UBXN6: variants seen among roughly 807,000 people sequenced by gnomAD.
The protein encoded by UBXN6 is UBX domain-containing protein 6.
Under a neutral mutation model 51.4 loss-of-function variants are expected in UBXN6, and 44 were observed. The observed-to-expected ratio is 0.86, with a 90% CI of 0.67 to 1.10. The LOEUF (loss-of-function observed/expected upper bound fraction) is 1.10. Ranked by LOEUF, UBXN6 falls within the 50% of genes least tolerant of loss-of-function variation. The probability of loss-of-function intolerance (pLI) is 0.00; values close to 1 mark genes in which losing one functional copy is unlikely to be tolerated. For synonymous variants in UBXN6, 316 were observed against 263.2 expected, an observed-to-expected ratio of 1.20 and a Z score of -1.94; for missense variants, 672 against 596.1, an observed-to-expected ratio of 1.13 and a Z score of -1.32.
At chr19:4,457,383 C>T (rs1974753424) in intron 1 of UBXN6, among the ~76,000 whole-genome samples, 1 of 129,108 alleles carries the variant, frequency 7.7e-6, no homozygotes, top group African/African-American at 3.0e-5. Flanking sequence ...GCCGCGCCCC[C>T]GGGTCATACC....
At position 4,451,700 on chromosome 19, in the gene UBXN6, C is replaced by T. The variant is rs111389080; in HGVS notation, c.441+664G>A. Reference sequence around the variant, plus strand: ...TTGCCCAGGTTGGAGTGCAATGGCGCTATCTCGGCTCACCACAACCTCTGC... The same window carrying T: ...TTGCCCAGGTTGGAGTGCAATGGCGTTATCTCGGCTCACCACAACCTCTGC... On this transcript the variant is annotated intron_variant, in intron 4 of 10. Coordinates refer to ENST00000301281, the MANE Select transcript of UBXN6 (RefSeq NM_025241.3). 7.1e-3 allele frequency among the ~76,000 whole-genome samples: 1,074 copies of T among 151,770 alleles called. 6 individuals carry two copies. Among genetic ancestry groups the T allele is most frequent in the Middle Eastern group, 0.017 (5 of 292 alleles).
Position 4,452,377 on chromosome 19 carries a change from T to G in UBXN6, c.428A>C (p.Glu143Ala), listed in dbSNP as rs1001426596. 1 of 1,613,652 alleles carries G rather than the reference T, an allele frequency of 6.2e-7. No individual in the cohort carries two copies. Among genetic ancestry groups the G allele is most frequent in the South Asian group, 1.1e-5 (1 of 91,034 alleles). The change falls in exon 4 of 11, where the codon GAG becomes GCG. Residue 143 changes from glutamate to alanine, a missense_variant. Physicochemically the swap from Glu to Ala is moderately radical, Grantham distance 107. Transcript: ENST00000301281. ...GGTGCCACTCACCAAGAGAATGGCCTCCTTGATGCAGGCGTCCCGCTGGTC... is the reference window on the plus strand; with the variant it reads ...GGTGCCACTCACCAAGAGAATGGCCGCCTTGATGCAGGCGTCCCGCTGGTC... ...RKDQRDACIK[E>A]AILLHFSTDP...
In UBXN6 at chr19:4,457,595, C is replaced by A. The variant is rs376666525; in HGVS notation, c.83+20G>T. 1.9e-6 allele frequency: 3 copies of A among 1,586,276 alleles called. 1 individual carries two copies. Among genetic ancestry groups the A allele is most frequent in the African/African-American group, 2.8e-5 (2 of 71,412 alleles). On this transcript the variant is annotated intron_variant, in intron 1 of 10. Coordinates refer to ENST00000301281, the MANE Select transcript of UBXN6 (RefSeq NM_025241.3). The stretch of plus-strand genomic sequence containing the variant: ...CGTCCCCGCCCCGCAGGGCCTCAAG[C>A]CCCTGCGTTCCTCACGCACCCCACG...
chr19:4,454,117 G>A, intron 1 of UBXN6, 24 bp from the exon 2 acceptor site: 1 of 1,506,554 alleles, frequency 6.6e-7, no homozygotes, highest in Non-Finnish European at 8.8e-7. Flanking sequence ...GAGGGAGAGT[G>A]AGTGTATCCT....
chr19:4,445,941 C>A, intron 10 of UBXN6, 108 bp downstream of exon 10: 1 of 1,478,444 alleles, frequency 6.8e-7, no homozygotes, highest in South Asian at 1.4e-5. Context: ...CCTGCCCAGG[C>A]CCCCTGCTCT....
In UBXN6 at chr19:4,445,216, G is replaced by C. The variant is rs566685419; in HGVS notation, c.*282C>G. 2 of 409,820 alleles carry C rather than the reference G, an allele frequency of 4.9e-6. No homozygotes were observed. The highest frequency in any genetic ancestry group is 3.9e-5 in the Admixed American group (1 of 25,450). The allele number at this position is 409,820 out of a possible 1,614,324, so 25.4% of individuals were successfully genotyped here. On this transcript the variant is annotated 3_prime_UTR_variant, in exon 11 of 11. Coordinates refer to ENST00000301281, the MANE Select transcript of UBXN6 (RefSeq NM_025241.3). ...AGGGAGATGCCACGTGTGTCTGTCC[G>C]GCAGCTTCATGACACAGTTACCAAG...
chr19:4,454,077 C>G lies in UBXN6; in HGVS notation c.100G>C (p.Glu34Gln). 2 of 1,560,928 alleles carry G rather than the reference C, an allele frequency of 1.3e-6. No individual in the cohort carries two copies. The highest frequency in any genetic ancestry group is 1.7e-6 in the Non-Finnish European group (2 of 1,157,960). Residue 34 changes from glutamate to glutamine, a missense_variant, in exon 2 of 11, where the codon GAG becomes CAG. Transcript: ENST00000301281. ...CTGGGGGCTGGCTGGTTGGGCTTCT[C>G]TTTGTGGGCCTTTTCCCTGGGAACA... is the stretch of plus-strand genomic sequence containing the variant. ...KESVGEKAHK[E>Q]KPNQPAPRPP...
In UBXN6 at chr19:4,457,762, G is replaced by T. The variant is rs1258812093; in HGVS notation, c.-65C>A. ...GGGGGCACGGGGCCCAGTCGGGGAC[G>T]GGGCCGCCGGAGACCAGCCACCGGA... On this transcript the variant is annotated 5_prime_UTR_variant, in exon 1 of 11. Transcript: ENST00000301281. 9 of 912,328 alleles carry T rather than the reference G, an allele frequency of 9.9e-6. No individual in the cohort carries two copies. Among genetic ancestry groups the T allele is most frequent in the African/African-American group, 5.5e-5 (3 of 54,462 alleles). The allele number at this position is 912,328 out of a possible 1,614,324, so 56.5% of individuals were successfully genotyped here.
In UBXN6 at chr19:4,445,896, C is replaced by T; in HGVS notation, c.1200+153G>A. The T allele has an allele frequency of 4.6e-6, 6 of 1,292,564 alleles. No individual in the cohort carries two copies. In the South Asian group the frequency reaches 7.4e-5, roughly 16 times the overall value. The allele number at this position is 1,292,564 out of a possible 1,614,324, so 80.1% of individuals were successfully genotyped here. ...TATGAACTTGCTCGAGGCCCTGCTG[C>T]CAGTAAGTGGGAAAGCAGGATTCAA... On this transcript the variant is annotated intron_variant, in intron 10 of 10. Coordinates refer to ENST00000301281, the MANE Select transcript of UBXN6 (RefSeq NM_025241.3).
At chr19:4,447,777 T>G in intron 5 of UBXN6, 152 bp from the exon 6 acceptor site, 1 of 737,726 alleles carries the variant, frequency 1.4e-6, no homozygotes. Flanking sequence ...GCAGACCATC[T>G]CCGGGTGGAA....
chr19:4,445,828 G>A (rs953962629), intron 10 of UBXN6: 163 of 1,046,520 alleles, frequency 1.6e-4, no homozygotes, highest in Admixed American at 2.3e-4. Flanking sequence ...GCTAACGCAC[G>A]TCACCGCTCC....
At chr19:4,447,411 C>T (rs768690108) in intron 6 of UBXN6, 139 bp downstream of exon 6, 118 of 884,282 alleles carry the variant, frequency 1.3e-4, no homozygotes, top group Non-Finnish European at 1.9e-4. Flanking sequence ...TTCTACTGGC[C>T]GAACCCTTCA....
At chr19:4,450,781 A>G (rs1974640213) in intron 4 of UBXN6, 1 of 150,970 alleles carries the variant, frequency 6.6e-6, no homozygotes, top group African/African-American at 2.4e-5. Context: ...AAAAAAAAAA[A>G]AAAAAGAGTG....
intron 1 of UBXN6, among the ~76,000 whole-genome samples, chr19:4,456,746 T>G (rs1234394624): frequency 1.3e-5 from 2 of 152,114 alleles, no homozygotes; most frequent in African/African-American, 4.8e-5. Flanking sequence ...ATAATCCACT[T>G]GGCACAGTGA....
intron 4 of UBXN6, chr19:4,449,671 T>G (rs1599677329): frequency 6.6e-6 from 1 of 152,106 alleles, no homozygotes; most frequent in Non-Finnish European, 1.5e-5. Context: ...AGGAGCTGGG[T>G]ACATGCACAG....
At chr19:4,448,631 C>T (rs1974591808) in intron 4 of UBXN6, 4 of 583,874 alleles carry the variant, frequency 6.9e-6, no homozygotes, top group Non-Finnish European at 1.2e-5. Flanking sequence ...CCCAGCAGAA[C>T]TCAAGTCTCC....
At chr19:4,453,158 C>G (rs1034438894) in intron 3 of UBXN6, among the ~76,000 whole-genome samples, 1 of 152,154 alleles carries the variant, frequency 6.6e-6, no homozygotes, top group Non-Finnish European at 1.5e-5. Context: ...CTCTCAACCC[C>G]GGTTCTCTTT....
At chr19:4,451,543 A>G (rs1024570145) in intron 4 of UBXN6, among the ~76,000 whole-genome samples, 2 of 152,090 alleles carry the variant, frequency 1.3e-5, no homozygotes, top group Admixed American at 1.3e-4. Context: ...TGGCAGAGAC[A>G]GGGTTTTGCC....
In UBXN6 at chr19:4,457,621, G is replaced by T. The variant is rs758643772; in HGVS notation, c.77C>A (p.Ser26Tyr). ...CCCTGCGTTCCTCACGCACCCCACG[G>T]ACTCTTTGAGCTTCTGACCGGGTCC... is the stretch of plus-strand genomic sequence containing the variant. ...SAGPGQKLKE[S>Y]VGEKAHKEKP... is the part of the protein sequence containing the mutation. The change falls in exon 1 of 11, where the codon TCC (serine) becomes TAC (tyrosine). Residue 26 changes from serine (S) to tyrosine (Y), a missense_variant. Transcript: ENST00000301281. 3.1e-6 allele frequency: 5 copies of T among 1,597,242 alleles called. No homozygotes were observed. Among genetic ancestry groups the T allele is most frequent in the Non-Finnish European group, 4.3e-6 (5 of 1,173,352 alleles).
Sources: gnomAD v4.1 joint callset for allele counts (sites outside exome capture counted in the v4.1 genomes callset) on GRCh38, gnomAD v4.1.1 for gene constraint, MANE v1.5 for transcripts, NCBI Gene and HGNC (gene_info 2026-07-23, HGNC 2026-07-21) for gene names.